The following DGKB variants were observed in gnomAD, a reference collection of about 807,000 sequenced individuals.
The protein encoded by DGKB is 90 kDa diacylglycerol kinase.
A neutral mutation model predicts 114.3 loss-of-function variants in DGKB; 67 were observed. That is an observed-to-expected ratio of 0.59 (90% CI 0.48 to 0.72). The LOEUF (loss-of-function observed/expected upper bound fraction) is 0.72. Ranked by LOEUF, DGKB falls within the 30% of genes least tolerant of loss-of-function variation. The pLI, the probability that DGKB is intolerant of heterozygous loss-of-function variation, is 0.00. For missense variants in DGKB, 907 were observed against 975.2 expected (o/e 0.93, Z 0.93); for synonymous variants, 398 against 323.1 (o/e 1.23, Z -2.49).
intron 2 of DGKB, among the ~76,000 whole-genome samples, chr7:14,779,488 A>T (rs1586444996): frequency 6.6e-6 from 1 of 152,352 alleles, no homozygotes; most frequent in Middle Eastern, 3.4e-3. Context: ...GTGAGGCAAG[A>T]TCATGCTACT....
At chr7:14,774,751 T>G (rs546302644) in intron 2 of DGKB, among the ~76,000 whole-genome samples, 18 of 152,312 alleles carry the variant, frequency 1.2e-4, no homozygotes, top group African/African-American at 4.3e-4. Flanking sequence ...TTATCTCAAT[T>G]TTTGAGATTT....
intron 9 of DGKB, among the ~76,000 whole-genome samples, chr7:14,689,143 T>C (rs1291929174): frequency 6.7e-6 from 1 of 150,364 alleles, no homozygotes; most frequent in Non-Finnish European, 1.5e-5. Context: ...ATTACCTTAC[T>C]TTTTGTCCAA....
intron 13 of DGKB, among the ~76,000 whole-genome samples, chr7:14,647,886 CA>C (rs1287182224): frequency 2.6e-5 from 4 of 152,190 alleles, no homozygotes; most frequent in Non-Finnish European, 4.4e-5. Context: ...GGGTGACGGA[CA>C]GCACCTGGAA....
At chr7:14,445,781 G>T (rs768090344) in intron 21 of DGKB, among the ~76,000 whole-genome samples, 1 of 151,846 alleles carries the variant, frequency 6.6e-6, no homozygotes, top group Admixed American at 6.6e-5. Context: ...TTAAACACGG[G>T]TATAAGTTTC....
intron 17 of DGKB, among the ~76,000 whole-genome samples, chr7:14,604,156 G>C (rs760356191): frequency 2.6e-5 from 4 of 152,094 alleles, no homozygotes; most frequent in Non-Finnish European, 5.9e-5. Context: ...ATTTGAAAGA[G>C]ACTATTGTTT....
At chr7:14,455,514 T>A (rs1050233742) in intron 21 of DGKB, among the ~76,000 whole-genome samples, 2 of 152,030 alleles carry the variant, frequency 1.3e-5, no homozygotes, top group African/African-American at 4.8e-5. Context: ...TTACATGACA[T>A]TTCCAGTACA....
chr7:14,515,196 T>C (rs1239816215), intron 20 of DGKB, among the ~76,000 whole-genome samples: 1 of 152,110 alleles, frequency 6.6e-6, no homozygotes, highest in African/African-American at 2.4e-5. Flanking sequence ...CAAATAAAAA[T>C]AAAAAGTAGA....
At position 14,466,160 on chromosome 7, in the gene DGKB, T is replaced by A. The variant is rs117794623; in HGVS notation, c.1835+12001A>T. ...TGACTATGAAACAGGAATGAGGTAA[T>A]CAAACTGGTCTTATCTTTCATTGAA... On this transcript the variant is annotated intron_variant, in intron 21 of 25. Coordinates refer to ENST00000402815, the MANE Select transcript of DGKB (RefSeq NM_001350709.2). Among the ~76,000 whole-genome samples, 957 of 152,270 alleles carry A rather than the reference T, an allele frequency of 6.3e-3. 5 individuals are homozygous for A. The highest frequency in any genetic ancestry group is 0.01 in the Middle Eastern group (3 of 294).
chr7:14,254,207 A>AC (rs1237349392), intron 23 of DGKB, among the ~76,000 whole-genome samples: 35 of 152,202 alleles, frequency 2.3e-4, no homozygotes, highest in African/African-American at 8.0e-4. Context: ...AAAGCATTGT[A>AC]CCTGCCTTAT....
At chr7:14,222,571 G>A (rs1790165155) in intron 23 of DGKB, among the ~76,000 whole-genome samples, 1 of 151,312 alleles carries the variant, frequency 6.6e-6, no homozygotes, top group African/African-American at 2.4e-5. Context: ...AATGTTTGAT[G>A]TACACTTGAA....
chr7:14,937,989 C>T (rs977118203), intron 1 of DGKB, among the ~76,000 whole-genome samples: 2 of 152,104 alleles, frequency 1.3e-5, no homozygotes, highest in Non-Finnish European at 2.9e-5. Context: ...AGGCTTTGGC[C>T]AACAGTTAAG....
At position 14,949,853 on chromosome 7, in the gene DGKB, C is replaced by A. The variant is rs538314499; in HGVS notation, c.-188+24843G>T. Among the ~76,000 whole-genome samples, 15 of 151,284 alleles carry A rather than the reference C, an allele frequency of 9.9e-5. 1 individual carries two copies. In the South Asian group the frequency reaches 2.9e-3, roughly 30 times the overall value. ...CATTCTCAGCACACTATTGCAAGGA[C>A]AGAAAACCAAACACTGCATGTTCTC... On this transcript the variant is annotated intron_variant, in intron 1 of 4. Transcript: ENST00000437998.
intron 1 of DGKB, among the ~76,000 whole-genome samples, chr7:14,853,867 C>CAAA (rs56269565): frequency 7.7e-5 from 8 of 104,014 alleles, no homozygotes; most frequent in East Asian, 3.0e-4. Context: ...GACTCCGTCT[C>CAAA]AAAAAAAAAA....
At chr7:14,170,704 A>G (rs915274558) in intron 25 of DGKB, among the ~76,000 whole-genome samples, 1 of 152,230 alleles carries the variant, frequency 6.6e-6, no homozygotes, top group Non-Finnish European at 1.5e-5. Context: ...GAAAAAACAA[A>G]CACATAAACA....
intron 4 of DGKB, among the ~76,000 whole-genome samples, chr7:14,745,548 C>A (rs1269277592): frequency 6.6e-6 from 1 of 152,120 alleles, no homozygotes; most frequent in African/African-American, 2.4e-5. Flanking sequence ...AAATTCTGTC[C>A]CTTAACACAT....
chr7:14,534,430 T>C (rs1313376288), intron 20 of DGKB, among the ~76,000 whole-genome samples: 1 of 151,938 alleles, frequency 6.6e-6, no homozygotes, highest in Admixed American at 6.6e-5. Flanking sequence ...ATGGACAAAG[T>C]GGGAACAGTA....
rs1378353056 is a variant in DGKB, at chr7:14,164,762, G to C, written c.2304+12077C>G. Among the ~76,000 whole-genome samples, 3 of 151,456 alleles carry C rather than the reference G, an allele frequency of 2.0e-5. No individual in the cohort carries two copies. In the East Asian group the frequency reaches 5.8e-4, roughly 29 times the overall value. On this transcript the variant is annotated intron_variant, in intron 25 of 25. Transcript: ENST00000402815. The stretch of plus-strand genomic sequence containing the variant: ...TAACATGGGTTTAACTTTTTGGGGG[G>C]GTATAATTGGGGATTACAGGGAATT...
intron 1 of DGKB, among the ~76,000 whole-genome samples, chr7:14,850,074 G>T (rs1047691601): frequency 1.3e-5 from 2 of 152,248 alleles, no homozygotes; most frequent in Admixed American, 6.5e-5. Flanking sequence ...AGAAAGAAAA[G>T]AATCCCTCAA....
At chr7:14,358,493 A>G (rs1815038863) in intron 21 of DGKB, among the ~76,000 whole-genome samples, 1 of 152,132 alleles carries the variant, frequency 6.6e-6, no homozygotes, top group Non-Finnish European at 1.5e-5. Flanking sequence ...ATATTCAATA[A>G]GGAAAATAAG....
Sources: gnomAD v4.1 joint callset for allele counts (sites outside exome capture counted in the v4.1 genomes callset) on GRCh38, gnomAD v4.1.1 for gene constraint, MANE v1.5 for transcripts, NCBI Gene and HGNC (gene_info 2026-07-23, HGNC 2026-07-21) for gene names.